Variants in FAM184B observed in about 807,000 individuals in gnomAD.
FAM184B encodes the protein family with sequence similarity 184 member B, also known as protein FAM184B.
FAM184B carries 111 observed loss-of-function variants against 135.9 expected under a neutral mutation model. The observed-to-expected ratio is 0.82, with a 90% CI of 0.70 to 0.96. FAM184B has a LOEUF of 0.96. Ranked by LOEUF, FAM184B falls within the 40% of genes least tolerant of loss-of-function variation. FAM184B has a pLI of 0.00. For synonymous variants in FAM184B, 552 were observed against 524.8 expected (o/e 1.05, Z -0.71); for missense variants, 1,375 against 1,323.9 (o/e 1.04, Z -0.60).
intron 8 of FAM184B, among the ~76,000 whole-genome samples, chr4:17,663,643 C>G (rs984068552): frequency 1.4e-5 from 2 of 142,146 alleles, no homozygotes; most frequent in African/African-American, 2.6e-5. Context: ...CACACACACA[C>G]AAACTGTAGT....
At chr4:17,766,857 G>A (rs1161421761) in intron 1 of FAM184B, among the ~76,000 whole-genome samples, 1 of 152,198 alleles carries the variant, frequency 6.6e-6, no homozygotes, top group Non-Finnish European at 1.5e-5. Context: ...CACAGAGCAG[G>A]GGGCAGCGCT....
intron 1 of FAM184B, among the ~76,000 whole-genome samples, chr4:17,763,557 A>C (rs1718593201): frequency 8.4e-6 from 1 of 119,718 alleles, no homozygotes; most frequent in South Asian, 3.3e-4. Flanking sequence ...GACTGGACGG[A>C]CACACTTTGG....
intron 1 of FAM184B, among the ~76,000 whole-genome samples, chr4:17,734,536 T>C (rs984112609): frequency 1.3e-5 from 2 of 152,050 alleles, no homozygotes; most frequent in Non-Finnish European, 2.9e-5. Context: ...GAACAGACAC[T>C]TCTCAAAAGA....
intron 1 of FAM184B, among the ~76,000 whole-genome samples, chr4:17,763,547 G>T (rs1239650476): frequency 1.4e-5 from 2 of 141,436 alleles, no homozygotes; most frequent in East Asian, 4.0e-4. Context: ...GGAATAGTAA[G>T]ACTGGACGGA....
chr4:17,663,615 AAC>A (rs113627829), intron 8 of FAM184B, among the ~76,000 whole-genome samples: 24,161 of 150,282 alleles, frequency 0.16, 2,824 homozygotes, highest in African/African-American at 0.34. Context: ...TCCCATTCAC[AAC>A]ACACACACAC....
At chr4:17,645,592 A>T (rs1325484974) in intron 12 of FAM184B, among the ~76,000 whole-genome samples, 2 of 152,070 alleles carry the variant, frequency 1.3e-5, no homozygotes, top group Admixed American at 6.5e-5. Context: ...TGGATTAAAG[A>T]CTTAAATGTT....
chr4:17,637,525 T>G (rs1461810430), intron 14 of FAM184B, among the ~76,000 whole-genome samples: 3 of 152,178 alleles, frequency 2.0e-5, no homozygotes, highest in African/African-American at 7.2e-5. Flanking sequence ...GGGCCCCAGT[T>G]CCCTCTCCTT....
Position 17,647,628 on chromosome 4 carries a change from G to T in FAM184B, c.2346+9C>A. The T allele has an allele frequency of 6.5e-7, 1 of 1,546,578 alleles. No individual in the cohort carries two copies. Among genetic ancestry groups the T allele is most frequent in the Non-Finnish European group, 8.7e-7 (1 of 1,144,186 alleles). Reference sequence around the variant, plus strand: ...GGGGTATTGCTGGTGCAAGGGCGGGGGCACTGACCTCTGTGGCGATTATGT... The same window carrying T: ...GGGGTATTGCTGGTGCAAGGGCGGGTGCACTGACCTCTGTGGCGATTATGT... On this transcript the variant is annotated intron_variant, in intron 12 of 17. Transcript: ENST00000265018.
chr4:17,703,482 A>G (rs1217425480), intron 5 of FAM184B, among the ~76,000 whole-genome samples: 2 of 146,234 alleles, frequency 1.4e-5, no homozygotes, highest in Non-Finnish European at 3.0e-5. Context: ...TGGGCAAGAG[A>G]GAGAGACCCT....
At chr4:17,654,584 C>A (rs1333044197) in intron 10 of FAM184B, among the ~76,000 whole-genome samples, 1 of 152,202 alleles carries the variant, frequency 6.6e-6, no homozygotes, top group South Asian at 2.1e-4. Flanking sequence ...GGATTGTGAC[C>A]CATGAGTGAT....
chr4:17,746,297 C>T (rs1718159847), intron 1 of FAM184B, among the ~76,000 whole-genome samples: 1 of 152,004 alleles, frequency 6.6e-6, no homozygotes, highest in South Asian at 2.1e-4. Flanking sequence ...TCTTATCAGG[C>T]AAGGTAAAGG....
intron 7 of FAM184B, among the ~76,000 whole-genome samples, chr4:17,679,628 T>C (rs1010561438): frequency 6.6e-6 from 1 of 152,230 alleles, no homozygotes; most frequent in Middle Eastern, 3.4e-3. Flanking sequence ...TTAAGGAATC[T>C]CCATATTGTT....
chr4:17,772,380 G>A (rs1718838365), intron 1 of FAM184B, among the ~76,000 whole-genome samples: 1 of 152,126 alleles, frequency 6.6e-6, no homozygotes, highest in African/African-American at 2.4e-5. Context: ...AGATGGGTAA[G>A]GTTCTGGGAC....
At chr4:17,757,315 T>A (rs558957229) in intron 1 of FAM184B, among the ~76,000 whole-genome samples, 2 of 152,148 alleles carry the variant, frequency 1.3e-5, no homozygotes, top group African/African-American at 4.8e-5. Flanking sequence ...ATTTAAAAAA[T>A]CTAAAAGACA....
At chr4:17,665,897 C>T (rs189986702) in intron 7 of FAM184B, among the ~76,000 whole-genome samples, 8 of 134,788 alleles carry the variant, frequency 5.9e-5, no homozygotes, top group Middle Eastern at 3.9e-3. Context: ...CTCCTCCCCC[C>T]GCCCCCCAGT....
At chr4:17,769,366 T>C (rs906637267) in intron 1 of FAM184B, among the ~76,000 whole-genome samples, 1 of 152,148 alleles carries the variant, frequency 6.6e-6, no homozygotes, top group African/African-American at 2.4e-5. Flanking sequence ...TTAAAAACTT[T>C]TTCTTTTTGC....
intron 1 of FAM184B, among the ~76,000 whole-genome samples, chr4:17,721,563 G>T (rs1339757331): frequency 1.3e-5 from 2 of 152,048 alleles, no homozygotes; most frequent in Non-Finnish European, 2.9e-5. Context: ...ATGGCATAGA[G>T]GCAAGACATG....
At chr4:17,664,680 GAAAAA>G (rs34424676) in intron 7 of FAM184B, 21 bp from the exon 8 acceptor site, 3 of 1,076,972 alleles carry the variant, frequency 2.8e-6, no homozygotes, top group Non-Finnish European at 3.8e-6. Flanking sequence ...AAAAGAAAAA[GAAAAA>G]AAAAAAAAAG....
At chr4:17,705,550 G>A (rs564849877) in intron 4 of FAM184B, among the ~76,000 whole-genome samples, 35 of 152,330 alleles carry the variant, frequency 2.3e-4, no homozygotes, top group African/African-American at 8.4e-4. Context: ...GCGTTGGGAG[G>A]ATTCTGCTAC....
Sources: gnomAD v4.1 joint callset for allele counts (sites outside exome capture counted in the v4.1 genomes callset) on GRCh38, gnomAD v4.1.1 for gene constraint, MANE v1.5 for transcripts, NCBI Gene and HGNC (gene_info 2026-07-23, HGNC 2026-07-21) for gene names.